The following ITGA11 variants were observed in gnomAD, a reference collection of about 807,000 sequenced individuals.
ITGA11 encodes the protein integrin subunit alpha 11.
A neutral mutation model predicts 141.9 loss-of-function variants in ITGA11; 97 were observed. That is an observed-to-expected ratio of 0.68 (90% confidence interval 0.58 to 0.81). The LOEUF is 0.81. Ranked by LOEUF, ITGA11 falls within the 30% of genes least tolerant of loss-of-function variation. ITGA11 has a pLI of 0.00. For missense variants in ITGA11, 1,387 were observed against 1,559.2 expected (o/e 0.89, Z 1.86); for synonymous variants, 658 against 624.6 (o/e 1.05, Z -0.80).
In ITGA11 at chr15:68,378,943, C is replaced by T. The variant is rs150563693; in HGVS notation, c.165-9659G>A. Among the ~76,000 whole-genome samples the T allele has an allele frequency of 8.2e-3, 1,248 of 152,258 alleles. 24 individuals carry two copies. The highest frequency in any genetic ancestry group is 0.029 in the African/African-American group (1,187 of 41,540). ...GCTTCCTTCCTAAGTTGCAGAAGTT[C>T]TTAGAAGAGAAGAGGGAAGAGTGAG... On this transcript the variant is annotated intron_variant, in intron 2 of 29. Coordinates refer to ENST00000315757, the MANE Select transcript of ITGA11 (RefSeq NM_001004439.2).
At chr15:68,310,849 T>C (rs1016258427) in intron 26 of ITGA11, 145 bp downstream of exon 26, 3 of 632,528 alleles carry the variant, frequency 4.7e-6, no homozygotes, top group African/African-American at 1.8e-5. Context: ...CTTCAGTTTT[T>C]TTCTTGGTTT....
Position 68,305,998 on chromosome 15 carries a change from A to G in ITGA11, c.3381+1350T>C, listed in dbSNP as rs1567120311. Among the ~76,000 whole-genome samples the G allele has an allele frequency of 6.7e-6, 1 of 149,880 alleles. No individual in the cohort carries two copies. Among genetic ancestry groups the G allele is most frequent in the African/African-American group, 2.5e-5 (1 of 40,358 alleles). On this transcript the variant is annotated intron_variant, in intron 28 of 29. Transcript: ENST00000315757. The surrounding 1 kb of genome is among the most constrained non-coding windows in gnomAD (Gnocchi z 4.6). ...TCAGGAGATCGAGACCATCCTGGCTAACACAGTGAAACCCTGTCTCTACTA... is the reference window on the plus strand; with the variant it reads ...TCAGGAGATCGAGACCATCCTGGCTGACACAGTGAAACCCTGTCTCTACTA...
intron 3 of ITGA11, among the ~76,000 whole-genome samples, chr15:68,366,599 GT>G (rs1006927800): frequency 3.7e-4 from 57 of 152,018 alleles, no homozygotes; most frequent in Admixed American, 9.8e-4. Flanking sequence ...GATGTTTGTA[GT>G]GAAACTGTGC....
chr15:68,326,753 C>T lies in ITGA11; in HGVS notation c.2112G>A (p.Pro704=), dbSNP rs770018932. 5.7e-6 allele frequency: 9 copies of T among 1,580,482 alleles called. No individual in the cohort carries two copies. The highest frequency in any genetic ancestry group is 2.7e-5 in the African/African-American group (2 of 73,988). Residue 704 remains proline, a synonymous_variant, in exon 17 of 30, where the codon CCG becomes CCA. Coordinates refer to ENST00000315757, the MANE Select transcript of ITGA11 (RefSeq NM_001004439.2). The surrounding 1 kb of genome is among the most constrained non-coding windows in gnomAD (Gnocchi z 6.8). The stretch of plus-strand genomic sequence containing the variant: ...CCCCGCCCTCGTCCAGGTGGGCCCT[C>T]GGTGTATACCGCCTCTCATCCATGG... ...NATMDERRYT[P]RAHLDEGGDR... is the part of the protein sequence containing the mutation.
At chr15:68,312,980 C>T (rs1049228391) in intron 23 of ITGA11, 117 bp from the exon 24 acceptor site, 6 of 687,526 alleles carry the variant, frequency 8.7e-6, no homozygotes, top group Admixed American at 2.3e-5. Context: ...AAAACAGGTT[C>T]CCGCTTGTGT....
At chr15:68,395,019 G>A (rs1355461610) in intron 2 of ITGA11, among the ~76,000 whole-genome samples, 1 of 152,146 alleles carries the variant, frequency 6.6e-6, no homozygotes, top group African/African-American at 2.4e-5. Flanking sequence ...CTCCACTGGT[G>A]ATATCCAGGC....
chr15:68,351,952 A>C lies in ITGA11; in HGVS notation c.750-550T>G, dbSNP rs535468801. ...ACAAAAATTAGCCGGGTGTGTTGGC[A>C]TGCGCCTGTAATCCCAACTACTCGG... On this transcript the variant is annotated intron_variant, in intron 7 of 29. Transcript: ENST00000315757. Among the ~76,000 whole-genome samples the C allele has an allele frequency of 2.6e-5, 4 of 152,046 alleles. No homozygotes were observed. In the South Asian group the frequency reaches 8.3e-4, roughly 32 times the overall value.
At chr15:68,374,521 G>A (rs1326454945) in intron 2 of ITGA11, among the ~76,000 whole-genome samples, 1 of 152,200 alleles carries the variant, frequency 6.6e-6, no homozygotes, top group Non-Finnish European at 1.5e-5. Flanking sequence ...CTGACTCCTA[G>A]GGTGGTGCTT....
intron 1 of ITGA11, among the ~76,000 whole-genome samples, chr15:68,405,103 C>A (rs1340055580): frequency 6.6e-6 from 1 of 151,330 alleles, no homozygotes; most frequent in African/African-American, 2.4e-5. Flanking sequence ...AGCCCTGGGG[C>A]ACCTACTTTA....
Position 68,303,148 on chromosome 15 carries a change from G to T in ITGA11, c.3496-18C>A. 1 of 1,550,118 alleles carries T rather than the reference G, an allele frequency of 6.5e-7. No homozygotes were observed. The highest frequency in any genetic ancestry group is 2.0e-5 in the Admixed American group (1 of 50,878). The stretch of plus-strand genomic sequence containing the variant: ...AAGCCGAGCTGTGAGGAGGCAAAGG[G>T]AGACGTCTCAGAGGAGGACAGGGTG... On this transcript the variant is annotated intron_variant, in intron 29 of 29. Transcript: ENST00000315757. The surrounding 1 kb of genome is among the most constrained non-coding windows in gnomAD (Gnocchi z 5.3).
Position 68,305,953 on chromosome 15 carries a change from G to A in ITGA11, c.3381+1395C>T, listed in dbSNP as rs533999942. Among the ~76,000 whole-genome samples the A allele has an allele frequency of 4.6e-5, 7 of 151,894 alleles. No homozygotes were observed. The South Asian group carries it at 8.3e-4, about 18-fold the overall frequency. ...TGTAATCCCAGCACTTTGGGAAGCC[G>A]AGGCGGGCAGATCATGAGGTCAGGA... On this transcript the variant is annotated intron_variant, in intron 28 of 29. Transcript: ENST00000315757. This position sits in a 1 kb window ranked among gnomAD's most constrained non-coding sequence, Gnocchi z 4.6.
rs1469741328 is a variant in ITGA11, at chr15:68,315,631, G to A, written c.2792+20C>T. The stretch of plus-strand genomic sequence containing the variant: ...CCGGAATAGCAAGCTTTGGGGAGAA[G>A]GAGCAGGCACGGCCCTGACCTGCCT... On this transcript the variant is annotated intron_variant, in intron 22 of 29. Transcript: ENST00000315757. The A allele has an allele frequency of 2.5e-6, 4 of 1,605,894 alleles. No individual in the cohort carries two copies. Among genetic ancestry groups the A allele is most frequent in the Non-Finnish European group, 3.4e-6 (4 of 1,173,658 alleles).
rs1893956967 is a variant in ITGA11, at chr15:68,325,882, G to A, written c.2212-641C>T. On this transcript the variant is annotated intron_variant, in intron 17 of 29. Transcript: ENST00000315757. This position sits in a 1 kb window ranked among gnomAD's most constrained non-coding sequence, Gnocchi z 5.5. ...AGGCAGTGGCTGTCAAACCTGAGCT[G>A]GCACCAGAGTCCCCTGGGAGCTTGT... 6.6e-6 allele frequency among the ~76,000 whole-genome samples: 1 copy of A among 152,242 alleles called. No individual in the cohort carries two copies. The highest frequency in any genetic ancestry group is 2.4e-5 in the African/African-American group (1 of 41,460).
At position 68,303,615 on chromosome 15, in the gene ITGA11, G is replaced by A. The variant is rs575949989; in HGVS notation, c.3495+157C>T. 3.3e-5 allele frequency among the ~76,000 whole-genome samples: 5 copies of A among 152,050 alleles called. No homozygotes were observed. Among genetic ancestry groups the A allele is most frequent in the South Asian group, 2.1e-4 (1 of 4,812 alleles). On this transcript the variant is annotated intron_variant, in intron 29 of 29. Transcript: ENST00000315757. This position sits in a 1 kb window ranked among gnomAD's most constrained non-coding sequence, Gnocchi z 5.3. ...AGGTTAGAGCCATAGTCTGAGTGCC[G>A]TCTGTTGGCCCTAACCAGTGTGTCT... is the stretch of plus-strand genomic sequence containing the variant.
intron 20 of ITGA11, 133 bp from the exon 21 acceptor site, chr15:68,317,496 G>A (rs964536352): frequency 2.1e-5 from 14 of 667,348 alleles, no homozygotes; most frequent in East Asian, 1.3e-4. Flanking sequence ...ATGAAAGCCT[G>A]GACCACAGCC....
intron 1 of ITGA11, among the ~76,000 whole-genome samples, chr15:68,431,528 C>T (rs553275549): frequency 1.3e-5 from 2 of 152,322 alleles, no homozygotes; most frequent in East Asian, 1.9e-4. Context: ...ACCCTTCAGC[C>T]CTCCGGGGCC....
intron 5 of ITGA11, 31 bp from the exon 6 acceptor site, chr15:68,358,616 C>A: frequency 1.9e-6 from 3 of 1,594,780 alleles, no homozygotes; most frequent in Non-Finnish European, 2.6e-6. Flanking sequence ...TATGGCTACC[C>A]AAGGAGCAGT....
At chr15:68,398,967 A>T (rs1420551605) in intron 2 of ITGA11, among the ~76,000 whole-genome samples, 1 of 151,906 alleles carries the variant, frequency 6.6e-6, no homozygotes, top group Non-Finnish European at 1.5e-5. Flanking sequence ...AAATGTTATT[A>T]AGATTTCATT....
intron 2 of ITGA11, among the ~76,000 whole-genome samples, chr15:68,398,037 C>T (rs1017115254): frequency 1.8e-4 from 27 of 151,306 alleles, no homozygotes; most frequent in East Asian, 3.9e-4. Flanking sequence ...CGGTACCAGC[C>T]GCTGCAAAAT....
Sources: gnomAD v4.1 joint callset for allele counts (sites outside exome capture counted in the v4.1 genomes callset) on GRCh38, gnomAD v4.1.1 for gene constraint, Gnocchi (gnomAD v3.1) non-coding constraint, MANE v1.5 for transcripts, NCBI Gene and HGNC (gene_info 2026-07-23, HGNC 2026-07-21) for gene names.